Variants in TEX52 observed in about 807,000 individuals in gnomAD.
The protein encoded by TEX52 is testis-expressed protein 52.
In TEX52, 22 loss-of-function variants were observed where a neutral mutation model predicts 17.6. That is an observed-to-expected ratio of 1.25 (90% confidence interval 0.89 to 1.78). The LOEUF is 1.78. Among genes scored for constraint, TEX52 ranks in the 40% most tolerant of loss-of-function variants. The pLI is 0.00. For synonymous variants in TEX52, 168 were observed against 147.4 expected (o/e 1.14, Z -1.01); for missense variants, 396 against 372.3 (o/e 1.06, Z -0.52).
chr12:2,855,305 C>T lies in TEX52; in HGVS notation c.214G>A (p.Asp72Asn), dbSNP rs1393955251. 1.3e-6 allele frequency: 2 copies of T among 1,528,100 alleles called. No individual in the cohort carries two copies. Among genetic ancestry groups the T allele is most frequent in the Admixed American group, 2.0e-5 (1 of 50,694 alleles). 94.7% of individuals were successfully genotyped at this position (1,528,100 alleles called of 1,614,324 possible). ...QLALKLPPCT[D>N]MKSKVRQRLI... ...CGCTGACGCACCTTGGACTTCATAT[C>T]TGTGCAGGGCGGCAGCTTCAGAGCC... Residue 72 changes from aspartate (D) to asparagine (N), a missense_variant, in exon 2 of 3, where the codon GAT becomes AAT. Physicochemically the swap from Asp to Asn is conservative, Grantham distance 23. Transcript: ENST00000637658.
chr12:2,848,877 GCACACACACACACACACA>G (rs3056877), downstream of TEX52, among the ~76,000 whole-genome samples: 2 of 140,272 alleles, frequency 1.4e-5, no homozygotes, highest in Non-Finnish European at 3.1e-5. Flanking sequence ...ACACACACAC[GCACACACACACACACACA>G]CACACACACA....
chr12:2,848,877 G>GCACGCA (rs1555092611), downstream of TEX52, among the ~76,000 whole-genome samples: 1 of 140,272 alleles, frequency 7.1e-6, no homozygotes, highest in East Asian at 2.1e-4. Flanking sequence ...ACACACACAC[G>GCACGCA]CACACACACA....
intron 2 of TEX52, among the ~76,000 whole-genome samples, chr12:2,851,195 A>G (rs2098069823): frequency 6.6e-6 from 1 of 151,890 alleles, no homozygotes; most frequent in South Asian, 2.1e-4. Flanking sequence ...AAAGATGTAT[A>G]GGGCACTTAC....
At chr12:2,848,866 GAC>G (rs57562074), downstream of TEX52, among the ~76,000 whole-genome samples, 7 of 115,768 alleles carry the variant, frequency 6.0e-5, no homozygotes, top group Admixed American at 3.8e-4. Context: ...CACCCCAACA[GAC>G]ACACACACGC....
chr12:2,850,503 C>A (rs184028779), intron 2 of TEX52, among the ~76,000 whole-genome samples: 29 of 151,264 alleles, frequency 1.9e-4, no homozygotes, highest in Admixed American at 5.9e-4. Context: ...AAATGGGGCC[C>A]CAGGTCATGA....
rs1354415761 is a variant in TEX52 at position 2,855,053 on chromosome 12, A to C, written c.466T>G (p.Cys156Gly). The C allele has an allele frequency of 6.5e-7, 1 of 1,536,030 alleles. No homozygotes were observed. The highest frequency in any genetic ancestry group is 2.4e-5 in the East Asian group (1 of 40,884). ...TTCATGTCCACAAACGTGGGATAACAGTGGATGAAGGTCAGGAAGCTGTTT... is the reference window on the plus strand; with the variant it reads ...TTCATGTCCACAAACGTGGGATAACCGTGGATGAAGGTCAGGAAGCTGTTT... ...GQNSFLTFIH[C>G]YPTFVDMKRK... is the part of the protein sequence containing the mutation. Residue 156 changes from cysteine (C) to glycine (G), a missense_variant, in exon 2 of 3, where the codon TGT becomes GGT. Cys to Gly is a radical substitution (Grantham distance 159). Transcript: ENST00000637658.
intron 2 of TEX52, among the ~76,000 whole-genome samples, chr12:2,850,914 C>T (rs1032763536): frequency 1.3e-5 from 2 of 151,204 alleles, no homozygotes; most frequent in Non-Finnish European, 2.9e-5. Flanking sequence ...TCAAGTGATT[C>T]GCCCGCCTTG....
intron 2 of TEX52, among the ~76,000 whole-genome samples, chr12:2,853,672 G>GC (rs1334989610): frequency 1.6e-4 from 24 of 151,738 alleles, no homozygotes; most frequent in African/African-American, 5.3e-4. Context: ...CTTTGGTCCT[G>GC]CCCTTGGGAT....
chr12:2,855,221 C>A lies in TEX52; in HGVS notation c.298G>T (p.Asp100Tyr). 6.6e-7 allele frequency: 1 copy of A among 1,505,764 alleles called. No homozygotes were observed. The highest frequency in any genetic ancestry group is 8.9e-7 in the Non-Finnish European group (1 of 1,128,238). 93.3% of individuals were successfully genotyped at this position (1,505,764 alleles called of 1,614,324 possible). Residue 100 changes from aspartate (D) to tyrosine (Y), a missense_variant, in exon 2 of 3, where the codon GAT becomes TAT. Coordinates refer to ENST00000637658, the MANE Select transcript of TEX52 (RefSeq NM_001365174.2). The part of the protein sequence containing the change: ...QHTWGFHTWL[D>Y]VCRLPATFPT... The stretch of plus-strand genomic sequence containing the variant: ...AAGGTGGCAGGCAGACGGCACACAT[C>A]GAGCCACGTGTGAAAGCCCCAGGTG...
At chr12:2,847,761 G>A (rs773364483), downstream of TEX52, among the ~76,000 whole-genome samples, 4 of 151,262 alleles carry the variant, frequency 2.6e-5, no homozygotes, top group African/African-American at 4.9e-5. Context: ...GTCTCTATAC[G>A]TTTGCCTATT....
intron 2 of TEX52, among the ~76,000 whole-genome samples, chr12:2,851,483 C>T (rs971920973): frequency 1.3e-5 from 2 of 151,962 alleles, no homozygotes; most frequent in South Asian, 2.1e-4. Flanking sequence ...GCTGGGATTA[C>T]AGGGCCCCGC....
At chr12:2,853,699 C>G (rs1187692208) in intron 2 of TEX52, among the ~76,000 whole-genome samples, 1 of 151,966 alleles carries the variant, frequency 6.6e-6, no homozygotes, top group Non-Finnish European at 1.5e-5. Flanking sequence ...TTGAGACATT[C>G]CTTTTCATTG....
chr12:2,854,871 G>A (rs879562870), intron 2 of TEX52, 25 bp downstream of exon 2: 2 of 1,514,262 alleles, frequency 1.3e-6, no homozygotes, highest in Non-Finnish European at 1.8e-6. Flanking sequence ...GGCTGGGTGG[G>A]CTCCCTGAGG....
At chr12:2,850,117 C>G (rs192354640) in intron 2 of TEX52, among the ~76,000 whole-genome samples, 1 of 152,278 alleles carries the variant, frequency 6.6e-6, no homozygotes, top group Admixed American at 6.5e-5. Context: ...ACAACCCACC[C>G]ACACTGCCCT....
At chr12:2,848,604 G>A (rs1201672838), downstream of TEX52, among the ~76,000 whole-genome samples, 1 of 152,192 alleles carries the variant, frequency 6.6e-6, no homozygotes, top group Admixed American at 6.5e-5. Flanking sequence ...CCTGGGGCCT[G>A]ACTCTCCCAT....
chr12:2,853,613 G>GTT (rs1394161799), intron 2 of TEX52, among the ~76,000 whole-genome samples: 6 of 114,052 alleles, frequency 5.3e-5, no homozygotes, highest in African/African-American at 9.1e-5. Context: ...TTTTGTTTTT[G>GTT]TTTTTTTTTC....
At chr12:2,853,141 C>CT (rs146373532) in intron 2 of TEX52, among the ~76,000 whole-genome samples, 2,440 of 152,316 alleles carry the variant, frequency 0.016, 63 homozygotes, top group African/African-American at 0.054. Flanking sequence ...CTGGAGTACT[C>CT]TAAGTCTTTC....
At chr12:2,850,896 T>C (rs948849252) in intron 2 of TEX52, among the ~76,000 whole-genome samples, 2 of 151,732 alleles carry the variant, frequency 1.3e-5, no homozygotes, top group African/African-American at 2.4e-5. Flanking sequence ...GGTCTCGAAC[T>C]CTTGACCTCA....
At chr12:2,854,550 CCT>C (rs145458092) in intron 2 of TEX52, among the ~76,000 whole-genome samples, 1,972 of 152,302 alleles carry the variant, frequency 0.013, 38 homozygotes, top group African/African-American at 0.045. Context: ...TACAACACCC[CCT>C]GTCTCGCACT....
Sources: allele counts gnomAD v4.1 joint callset (sites outside exome capture counted in the v4.1 genomes callset), GRCh38; gene constraint gnomAD v4.1.1; transcripts MANE v1.5; gene names NCBI Gene and HGNC (gene_info 2026-07-23, HGNC 2026-07-21).